The following PDE7A variants were observed in gnomAD, a reference collection of about 807,000 sequenced individuals.
PDE7A encodes the protein phosphodiesterase 7A, also known as high affinity 3',5'-cyclic-AMP phosphodiesterase 7A.
PDE7A carries 39 observed loss-of-function variants against 64.3 expected under a neutral mutation model. That is an observed-to-expected ratio of 0.61 (90% CI 0.47 to 0.79). The LOEUF (loss-of-function observed/expected upper bound fraction) is 0.79, where lower values mean the gene tolerates loss of function less well. PDE7A is among the 30% of genes least tolerant of loss of function. The pLI, the probability that PDE7A is intolerant of heterozygous loss-of-function variation, is 0.00. For synonymous variants in PDE7A, 203 were observed against 206.8 expected (o/e 0.98, Z 0.16); for missense variants, 470 against 582.8 (o/e 0.81, Z 1.99).
chr8:65,741,953 T>C (rs1003641341), intron 5 of PDE7A, among the ~76,000 whole-genome samples: 5 of 152,212 alleles, frequency 3.3e-5, no homozygotes, highest in African/African-American at 1.2e-4. Flanking sequence ...CAAAGGAATC[T>C]GACAAGAATC....
chr8:65,721,382 G>A (rs936074277), intron 12 of PDE7A, among the ~76,000 whole-genome samples: 1 of 152,180 alleles, frequency 6.6e-6, no homozygotes, highest in Non-Finnish European at 1.5e-5. Context: ...TGCTTGGTGA[G>A]TTGTTAAGAG....
chr8:65,727,064 T>G, intron 8 of PDE7A, 98 bp from the exon 9 acceptor site: 2 of 997,184 alleles, frequency 2.0e-6, no homozygotes, highest in Non-Finnish European at 3.1e-6. Flanking sequence ...TGGTTAAAAT[T>G]CTAACATTCA....
At chr8:65,727,358 C>T in intron 7 of PDE7A, 57 bp from the exon 8 acceptor site, 2 of 1,599,024 alleles carry the variant, frequency 1.3e-6, no homozygotes, top group South Asian at 2.3e-5. Context: ...AGCTCTACGC[C>T]ATCACAGTAG....
chr8:65,795,681 A>C (rs1192737575), intron 1 of PDE7A, among the ~76,000 whole-genome samples: 1 of 152,126 alleles, frequency 6.6e-6, no homozygotes, highest in Non-Finnish European at 1.5e-5. Context: ...ACACTAACAA[A>C]ACTTACAATA....
chr8:65,834,350 A>C (rs1006663457), intron 1 of PDE7A, among the ~76,000 whole-genome samples: 3 of 152,080 alleles, frequency 2.0e-5, no homozygotes, highest in Non-Finnish European at 4.4e-5. Context: ...ACATACACAA[A>C]ATTTGTGCTA....
intron 6 of PDE7A, among the ~76,000 whole-genome samples, chr8:65,737,502 T>TTAA (rs1345531024): frequency 1.3e-5 from 2 of 152,124 alleles, no homozygotes; most frequent in Non-Finnish European, 1.5e-5. Flanking sequence ...AATGGTTATA[T>TTAA]TAATTATTAT....
At chr8:65,746,579 C>A (rs1317555264) in intron 4 of PDE7A, among the ~76,000 whole-genome samples, 1 of 152,050 alleles carries the variant, frequency 6.6e-6, no homozygotes, top group Non-Finnish European at 1.5e-5. Context: ...TAACCTGAAC[C>A]TTTTGTGGAC....
chr8:65,770,679 T>C (rs1188660770), intron 3 of PDE7A, among the ~76,000 whole-genome samples: 1 of 152,210 alleles, frequency 6.6e-6, no homozygotes, highest in Non-Finnish European at 1.5e-5. Context: ...GCACATACAT[T>C]AACATTTATA....
At position 65,715,348 on chromosome 8, in the gene PDE7A, C is replaced by T. The variant is rs1027092844; in HGVS notation, c.*3942G>A. The stretch of plus-strand genomic sequence containing the variant: ...CCCAAGAGTTCAAGACCAGCCAAGC[C>T]AACAAAGAGAGACCCTGTCTCTATA... On this transcript the variant is annotated 3_prime_UTR_variant, in exon 13 of 13. Transcript: ENST00000401827. Among the ~76,000 whole-genome samples the T allele has an allele frequency of 6.6e-6, 1 of 150,934 alleles. No individual in the cohort carries two copies. The highest frequency in any genetic ancestry group is 2.4e-5 in the African/African-American group (1 of 41,018).
chr8:65,793,530 T>C (rs1809757445), intron 1 of PDE7A, among the ~76,000 whole-genome samples: 2 of 147,314 alleles, frequency 1.4e-5, no homozygotes, highest in Non-Finnish European at 3.0e-5. Context: ...AAATGAGAGA[T>C]AATAAGTGAA....
At position 65,717,764 on chromosome 8, in the gene PDE7A, A is replaced by G. The variant is rs1179717622; in HGVS notation, c.*1526T>C. On this transcript the variant is annotated 3_prime_UTR_variant, in exon 13 of 13. Coordinates refer to ENST00000401827, the MANE Select transcript of PDE7A (RefSeq NM_001242318.3). Reference sequence around the variant, plus strand: ...ATGAGTATGGCAAAGCCTTTTACAAATGGCTTTACACTCAAGCTTTCTCCC... The same window carrying G: ...ATGAGTATGGCAAAGCCTTTTACAAGTGGCTTTACACTCAAGCTTTCTCCC... 6.6e-6 allele frequency: 1 copy of G among 152,238 alleles called. No homozygotes were observed. Among genetic ancestry groups the G allele is most frequent in the Non-Finnish European group, 1.5e-5 (1 of 68,030 alleles). The allele number at this position is 152,238 out of a possible 1,614,324, so 9.4% of individuals were successfully genotyped here. A position where few individuals can be genotyped will look rare whatever the true frequency, so the allele number is the denominator to read the frequency against.
At chr8:65,827,775 A>T (rs1810714107) in intron 1 of PDE7A, among the ~76,000 whole-genome samples, 2 of 152,234 alleles carry the variant, frequency 1.3e-5, no homozygotes, top group Admixed American at 1.3e-4. Flanking sequence ...GCTATACCAC[A>T]CAGCCTAGGT....
chr8:65,734,210 ACT>A lies in PDE7A; in HGVS notation c.696+582_696+583del, dbSNP rs138600344. Among the ~76,000 whole-genome samples the A allele has an allele frequency of 5.1e-3, 772 of 152,082 alleles. 5 individuals are homozygous for A. The highest frequency in any genetic ancestry group is 0.017 in the African/African-American group (721 of 41,476). On this transcript the variant is annotated intron_variant, in intron 7 of 12. Coordinates refer to ENST00000401827, the MANE Select transcript of PDE7A (RefSeq NM_001242318.3). ...CTCTCATGGAAGACTTCCACCTTCT[ACT>A]CAACTGCCCAAACCAGTCTTCACTG...
Position 65,739,533 on chromosome 8 carries a change from A to G in PDE7A, c.564T>C (p.His188=), listed in dbSNP as rs2128900943. The change falls in exon 6 of 13, where the codon CAT becomes CAC. Residue 188 remains histidine (H), a synonymous_variant. Transcript: ENST00000401827. ...FSLHGLIEYF[H]LDMMKLRRFL... ...ATCTACGAAGTTTCATCATATCTAA[A>G]TGGAAGTACTCAATTAATCCATGAA... 6.4e-7 allele frequency: 1 copy of G among 1,571,068 alleles called. No individual in the cohort carries two copies. Among genetic ancestry groups the G allele is most frequent in the East Asian group, 2.3e-5 (1 of 43,008 alleles).
intron 1 of PDE7A, among the ~76,000 whole-genome samples, chr8:65,833,541 G>A (rs1183860838): frequency 1.3e-5 from 2 of 152,158 alleles, no homozygotes; most frequent in African/African-American, 4.8e-5. Context: ...TGAAGGTCTT[G>A]GAGCACAACA....
At chr8:65,769,004 T>C (rs903118264) in intron 3 of PDE7A, among the ~76,000 whole-genome samples, 2 of 152,064 alleles carry the variant, frequency 1.3e-5, no homozygotes, top group African/African-American at 4.8e-5. Context: ...TCCCAGCACT[T>C]TGGAAGGCTG....
chr8:65,837,215 C>CT (rs1325198288), intron 1 of PDE7A, among the ~76,000 whole-genome samples: 1 of 152,092 alleles, frequency 6.6e-6, no homozygotes, highest in Non-Finnish European at 1.5e-5. Context: ...AAGAACACTG[C>CT]TAAAGAGAGA....
intron 4 of PDE7A, 37 bp from the exon 5 acceptor site, chr8:65,745,507 T>C (rs1227880482): frequency 8.9e-7 from 1 of 1,129,742 alleles, no homozygotes; most frequent in South Asian, 1.2e-5. Context: ...TGTAATTTAA[T>C]TTCAATAACA....
chr8:65,716,119 C>G lies in PDE7A; in HGVS notation c.*3171G>C, dbSNP rs1203030956. Among the ~76,000 whole-genome samples, 3 of 148,076 alleles carry G rather than the reference C, an allele frequency of 2.0e-5. No individual in the cohort carries two copies. The highest frequency in any genetic ancestry group is 4.5e-5 in the Non-Finnish European group (3 of 67,248). On this transcript the variant is annotated 3_prime_UTR_variant, in exon 13 of 13. Coordinates refer to ENST00000401827, the MANE Select transcript of PDE7A (RefSeq NM_001242318.3). ...GCTGCAGTGATCATGCCACTGCACTCCAGCCTAGTTAGCAGCGAGACCCTG... is the reference window on the plus strand; with the variant it reads ...GCTGCAGTGATCATGCCACTGCACTGCAGCCTAGTTAGCAGCGAGACCCTG...
Sources: allele counts gnomAD v4.1 joint callset (sites outside exome capture counted in the v4.1 genomes callset), GRCh38; gene constraint gnomAD v4.1.1; transcripts MANE v1.5; gene names NCBI Gene and HGNC (gene_info 2026-07-23, HGNC 2026-07-21).